AMPH: variants seen among roughly 807,000 people sequenced by gnomAD.
AMPH encodes amphiphysin.
Under a neutral mutation model 99.1 loss-of-function variants are expected in AMPH, and 49 were observed. The ratio of observed to expected loss-of-function variants is 0.49; its 90% CI spans 0.39 to 0.63. AMPH has a LOEUF of 0.63. Among genes scored for constraint, AMPH ranks in the 20% least tolerant of loss-of-function variants. The pLI is 0.00. For synonymous variants in AMPH, 314 were observed against 317.3 expected (o/e 0.99, Z 0.11); for missense variants, 759 against 863.4 (o/e 0.88, Z 1.52).
At position 38,631,368 on chromosome 7, in the gene AMPH, A is replaced by G; in HGVS notation, c.-17T>C. ...GTCGGCCATGGCTGCGGGTCCGGGG[A>G]GCTGCGAAGAGCAGAGCGCGCAGCG... On this transcript the variant is annotated 5_prime_UTR_variant, in exon 1 of 21. Coordinates refer to ENST00000356264, the MANE Select transcript of AMPH (RefSeq NM_001635.4). 1 of 1,529,470 alleles carries G rather than the reference A, an allele frequency of 6.5e-7. No homozygotes were observed. The highest frequency in any genetic ancestry group is 8.8e-7 in the Non-Finnish European group (1 of 1,138,850). 94.7% of individuals were successfully genotyped at this position (1,529,470 alleles called of 1,614,324 possible).
chr7:38,495,178 A>G (rs954111182), intron 3 of AMPH, among the ~76,000 whole-genome samples: 4 of 152,204 alleles, frequency 2.6e-5, no homozygotes, highest in African/African-American at 9.6e-5. Context: ...TGAATAATGA[A>G]ACCAATTTTA....
At chr7:38,448,957 C>A (rs916760077) in intron 11 of AMPH, among the ~76,000 whole-genome samples, 2 of 151,992 alleles carry the variant, frequency 1.3e-5, no homozygotes, top group East Asian at 3.9e-4. Flanking sequence ...GGGTTTTGTT[C>A]ATTGCTTTTA....
At chr7:38,605,047 G>C (rs1005041772) in intron 1 of AMPH, among the ~76,000 whole-genome samples, 1 of 150,474 alleles carries the variant, frequency 6.6e-6, no homozygotes, top group African/African-American at 2.5e-5. Context: ...CTGTGGCAAA[G>C]ATAAAGCAAT....
At chr7:38,573,393 A>G (rs1162836028) in intron 1 of AMPH, among the ~76,000 whole-genome samples, 2 of 152,194 alleles carry the variant, frequency 1.3e-5, no homozygotes, top group African/African-American at 4.8e-5. Context: ...ACACATACAT[A>G]CACTCCTATG....
At chr7:38,495,641 T>A (rs1242312024) in intron 3 of AMPH, among the ~76,000 whole-genome samples, 1 of 151,634 alleles carries the variant, frequency 6.6e-6, no homozygotes, top group Non-Finnish European at 1.5e-5. Flanking sequence ...CAAAATGATG[T>A]TGAATGAAAC....
chr7:38,572,120 G>C (rs865984378), intron 1 of AMPH, among the ~76,000 whole-genome samples: 88 of 152,030 alleles, frequency 5.8e-4, no homozygotes, highest in African/African-American at 2.1e-3. Context: ...GGTCAGGCTG[G>C]TGTCAAACTC....
intron 2 of AMPH, among the ~76,000 whole-genome samples, chr7:38,531,653 C>T (rs186589981): frequency 1.6e-3 from 246 of 152,254 alleles, no homozygotes; most frequent in African/African-American, 5.3e-3. Context: ...AGCAAGATAA[C>T]TGAGCCCCCA....
chr7:38,589,738 A>G (rs1208226191), intron 1 of AMPH, among the ~76,000 whole-genome samples: 1 of 152,144 alleles, frequency 6.6e-6, no homozygotes, highest in African/African-American at 2.4e-5. Context: ...TTATTAATTG[A>G]GTATGTGAAA....
At chr7:38,540,865 A>T (rs1790783522) in intron 1 of AMPH, among the ~76,000 whole-genome samples, 2 of 151,776 alleles carry the variant, frequency 1.3e-5, no homozygotes, top group Admixed American at 1.3e-4. Flanking sequence ...AGTGGCATTC[A>T]TCCATTTGAT....
intron 2 of AMPH, among the ~76,000 whole-genome samples, chr7:38,531,975 AG>A (rs1215636536): frequency 6.6e-6 from 1 of 152,168 alleles, no homozygotes; most frequent in Admixed American, 6.5e-5. Context: ...TAATCTTGGC[AG>A]ATCCTTCCTT....
intron 1 of AMPH, among the ~76,000 whole-genome samples, chr7:38,606,489 C>A (rs1217093092): frequency 1.3e-5 from 2 of 151,628 alleles, no homozygotes; most frequent in Non-Finnish European, 2.9e-5. Flanking sequence ...CATTATGTGG[C>A]CTTTGGTGAC....
intron 2 of AMPH, among the ~76,000 whole-genome samples, chr7:38,528,899 C>G (rs1057399678): frequency 5.3e-4 from 80 of 152,066 alleles, no homozygotes; most frequent in Non-Finnish European, 1.6e-4. Flanking sequence ...TGCTTCTGGA[C>G]AAGACACTTT....
intron 1 of AMPH, among the ~76,000 whole-genome samples, chr7:38,553,555 G>T (rs1186702124): frequency 6.6e-6 from 1 of 152,218 alleles, no homozygotes; most frequent in Non-Finnish European, 1.5e-5. Context: ...CAAGCAGTGT[G>T]CATTTAAATA....
In AMPH at chr7:38,531,750, A is replaced by C. The variant is rs115644888; in HGVS notation, c.150+3181T>G. On this transcript the variant is annotated intron_variant, in intron 2 of 20. Coordinates refer to ENST00000356264, the MANE Select transcript of AMPH (RefSeq NM_001635.4). ...GAGTGTGGTCAGGGGACTATAATAC[A>C]ATGCACAAATCCAAATATGGTTTCA... is the stretch of plus-strand genomic sequence containing the variant. Among the ~76,000 whole-genome samples the C allele has an allele frequency of 1.1e-3, 170 of 152,310 alleles. 1 individual carries two copies. The highest frequency in any genetic ancestry group is 3.8e-3 in the African/African-American group (160 of 41,578).
intron 1 of AMPH, among the ~76,000 whole-genome samples, chr7:38,543,628 T>C (rs1191965984): frequency 1.3e-5 from 2 of 152,200 alleles, no homozygotes; most frequent in African/African-American, 4.8e-5. Context: ...TGTGTTCATC[T>C]TACTGATGAG....
intron 1 of AMPH, among the ~76,000 whole-genome samples, chr7:38,572,429 CAAT>C (rs1792082996): frequency 6.6e-6 from 1 of 152,108 alleles, no homozygotes; most frequent in Non-Finnish European, 1.5e-5. Context: ...GCTCACACAA[CAAT>C]AAAATTGCCT....
chr7:38,429,561 C>G, intron 14 of AMPH: 1 of 1,432,674 alleles, frequency 7.0e-7, no homozygotes, highest in East Asian at 3.1e-5. Flanking sequence ...CAAGGAAAGA[C>G]TTTCTGAAGA....
intron 17 of AMPH, among the ~76,000 whole-genome samples, chr7:38,402,880 G>C (rs1784881126): frequency 6.6e-6 from 1 of 151,762 alleles, no homozygotes; most frequent in African/African-American, 2.4e-5. Flanking sequence ...CTATATGCTG[G>C]GTTTTTTCTT....
intron 2 of AMPH, among the ~76,000 whole-genome samples, chr7:38,505,742 C>T (rs1001835356): frequency 1.3e-5 from 2 of 152,042 alleles, no homozygotes; most frequent in Non-Finnish European, 2.9e-5. Context: ...CCAGAGAAGT[C>T]AGGATGAAGT....
Sources: gnomAD v4.1 joint callset for allele counts (sites outside exome capture counted in the v4.1 genomes callset) on GRCh38, gnomAD v4.1.1 for gene constraint, MANE v1.5 for transcripts, NCBI Gene and HGNC (gene_info 2026-07-23, HGNC 2026-07-21) for gene names.